NELL1: variants seen among roughly 807,000 people sequenced by gnomAD.
The protein encoded by NELL1 is protein kinase C-binding protein NELL1.
Under a neutral mutation model 107.4 loss-of-function variants are expected in NELL1, and 76 were observed. That is an observed-to-expected ratio of 0.71 (90% CI 0.59 to 0.86). The LOEUF (loss-of-function observed/expected upper bound fraction) is 0.86. NELL1 is among the 40% of genes least tolerant of loss of function. The pLI is 0.00. For missense variants in NELL1, 1,024 were observed against 1,005.5 expected (o/e 1.02, Z -0.25); for synonymous variants, 353 against 341.2 (o/e 1.03, Z -0.38).
intron 2 of NELL1, among the ~76,000 whole-genome samples, chr11:20,753,672 T>G (rs1856195801): frequency 6.6e-6 from 1 of 152,204 alleles, no homozygotes; most frequent in Non-Finnish European, 1.5e-5. Context: ...GCTCTTGTTA[T>G]TAAAGTTAGT....
At chr11:21,271,317 C>G (rs1280988740) in intron 14 of NELL1, among the ~76,000 whole-genome samples, 1 of 152,132 alleles carries the variant, frequency 6.6e-6, no homozygotes, top group Non-Finnish European at 1.5e-5. Context: ...TCACTGTAGT[C>G]TCATGGACAT....
intron 1 of NELL1, among the ~76,000 whole-genome samples, chr11:20,670,141 G>C (rs575282445): frequency 1.0e-3 from 154 of 152,272 alleles, no homozygotes; most frequent in African/African-American, 3.6e-3. Flanking sequence ...GTAAGGTGCT[G>C]TGGAAACCAC....
chr11:20,860,148 A>G (rs555010906), intron 4 of NELL1, among the ~76,000 whole-genome samples: 2 of 152,156 alleles, frequency 1.3e-5, no homozygotes, highest in African/African-American at 2.4e-5. Flanking sequence ...TAGGATGTCA[A>G]GTTCACTCTT....
At position 21,414,721 on chromosome 11, in the gene NELL1, G is replaced by A. The variant is rs140551431; in HGVS notation, c.1645+43773G>A. Among the ~76,000 whole-genome samples the A allele has an allele frequency of 5.5e-3, 840 of 152,184 alleles. 4 individuals carry two copies. The highest frequency in any genetic ancestry group is 0.027 in the Middle Eastern group (8 of 294). On this transcript the variant is annotated intron_variant, in intron 15 of 19. Transcript: ENST00000357134. Reference sequence around the variant, plus strand: ...GGGTTTCTAAGTACATTTTAGGGAAGGGGAATGCGGCTATGTGCAATGGGC... The same window carrying A: ...GGGTTTCTAAGTACATTTTAGGGAAAGGGAATGCGGCTATGTGCAATGGGC...
At chr11:20,781,956 G>A (rs1190531010) in intron 2 of NELL1, among the ~76,000 whole-genome samples, 22 of 149,892 alleles carry the variant, frequency 1.5e-4, no homozygotes, top group African/African-American at 1.7e-4. Context: ...GTGGGAGATC[G>A]CTTGAGCCCG....
At chr11:21,220,955 G>A (rs576188877) in intron 13 of NELL1, among the ~76,000 whole-genome samples, 8 of 152,050 alleles carry the variant, frequency 5.3e-5, no homozygotes, top group Non-Finnish European at 8.8e-5. Context: ...CTAGTTCTTA[G>A]GGAAAATATA....
Position 21,113,700 on chromosome 11 carries a change from A to C in NELL1, c.1412A>C (p.Asp471Ala). 1 of 1,611,532 alleles carries C rather than the reference A, an allele frequency of 6.2e-7. No homozygotes were observed. Among genetic ancestry groups the C allele is most frequent in the Non-Finnish European group, 8.5e-7 (1 of 1,178,462 alleles). Residue 471 changes from aspartate to alanine, a missense_variant, in exon 13 of 20, where the codon GAC (aspartate) becomes GCC (alanine). Coordinates refer to ENST00000357134, the MANE Select transcript of NELL1 (RefSeq NM_006157.5). ...GTCCCAGGATACATTCGTGTGGATG[A>C]CTTCTCTTGTACAGGTGAGCTTTAA... ...DCVPGYIRVD[D>A]FSCTEHDECG...
intron 12 of NELL1, among the ~76,000 whole-genome samples, chr11:20,967,112 G>A (rs1357653279): frequency 2.0e-5 from 3 of 152,074 alleles, no homozygotes; most frequent in Non-Finnish European, 4.4e-5. Context: ...GATATATGCA[G>A]AAATTTTAGT....
chr11:20,973,509 A>G (rs554796784), intron 12 of NELL1, among the ~76,000 whole-genome samples: 2 of 152,212 alleles, frequency 1.3e-5, no homozygotes, highest in Non-Finnish European at 2.9e-5. Flanking sequence ...CACCTGTAAT[A>G]TACTAGTTAC....
rs1000021510 is a variant in NELL1 at position 20,928,401 on chromosome 11, A to T, written c.919A>T (p.Met307Leu). 6.2e-7 allele frequency: 1 copy of T among 1,613,980 alleles called. No individual in the cohort carries two copies. The highest frequency in any genetic ancestry group is 8.5e-7 in the Non-Finnish European group (1 of 1,179,934). Residue 307 changes from methionine to leucine, a missense_variant, in exon 9 of 20, where the codon ATG becomes TTG. Physicochemically the swap from Met to Leu is conservative, Grantham distance 15. Transcript: ENST00000357134. The part of the protein sequence containing the change: ...CKSGAVECRR[M>L]SCPPLNCSPD... ...GAGTGGTGCCGTGGAATGCCGAAGG[A>T]TGTCCTGTCCCCCTCTCAATTGCTC... is the stretch of plus-strand genomic sequence containing the variant.
chr11:21,450,466 T>A (rs1241569881), intron 15 of NELL1, among the ~76,000 whole-genome samples: 3 of 152,246 alleles, frequency 2.0e-5, no homozygotes, highest in Admixed American at 6.5e-5. Flanking sequence ...TTGTGATTTA[T>A]GCTGCTGAGG....
intron 2 of NELL1, among the ~76,000 whole-genome samples, chr11:20,678,706 T>C (rs1411144868): frequency 1.7e-4 from 26 of 152,164 alleles, no homozygotes; most frequent in Admixed American, 1.7e-3. Flanking sequence ...TCCTGTGGAA[T>C]GCTGTGTCCT....
At chr11:21,336,688 C>CACACACACACAT (rs1229656676) in intron 14 of NELL1, among the ~76,000 whole-genome samples, 3 of 150,052 alleles carry the variant, frequency 2.0e-5, no homozygotes, top group Admixed American at 1.3e-4. Context: ...CACACACACA[C>CACACACACACAT]ACATTAAACA....
intron 15 of NELL1, among the ~76,000 whole-genome samples, chr11:21,399,831 CT>C (rs1022080396): frequency 2.6e-5 from 4 of 151,656 alleles, no homozygotes; most frequent in Admixed American, 2.6e-4. Flanking sequence ...AACGGCGATG[CT>C]GCTGATGGAA....
intron 4 of NELL1, among the ~76,000 whole-genome samples, chr11:20,858,747 A>G (rs922255835): frequency 1.6e-4 from 24 of 152,166 alleles, no homozygotes; most frequent in African/African-American, 5.3e-4. Context: ...GGACTGCAGT[A>G]TAACTTACAT....
At chr11:21,368,999 T>G (rs1016893529) in intron 14 of NELL1, among the ~76,000 whole-genome samples, 32 of 152,162 alleles carry the variant, frequency 2.1e-4, no homozygotes, top group Non-Finnish European at 4.0e-4. Context: ...AACCCTCCAC[T>G]GTATCATCAT....
At chr11:20,840,656 A>G (rs1753361741) in intron 3 of NELL1, among the ~76,000 whole-genome samples, 1 of 152,250 alleles carries the variant, frequency 6.6e-6, no homozygotes, top group South Asian at 2.1e-4. Context: ...GGATTAAAGC[A>G]CAAGTGTTCT....
intron 17 of NELL1, among the ~76,000 whole-genome samples, chr11:21,569,135 T>G (rs1857040697): frequency 3.3e-5 from 5 of 151,882 alleles, no homozygotes; most frequent in Non-Finnish European, 7.4e-5. Flanking sequence ...TTCAGCTTCA[T>G]TAAAATTATA....
intron 14 of NELL1, among the ~76,000 whole-genome samples, chr11:21,261,712 C>A (rs974626752): frequency 5.3e-5 from 8 of 151,822 alleles, no homozygotes; most frequent in African/African-American, 1.9e-4. Flanking sequence ...AAGGAAAAAT[C>A]TGTTTATGAA....
Sources: gnomAD v4.1 joint callset for allele counts (sites outside exome capture counted in the v4.1 genomes callset) on GRCh38, gnomAD v4.1.1 for gene constraint, MANE v1.5 for transcripts, NCBI Gene and HGNC (gene_info 2026-07-23, HGNC 2026-07-21) for gene names.